The following DGKB variants were observed in gnomAD, a reference collection of about 807,000 sequenced individuals.
The protein encoded by DGKB is diacylglycerol kinase beta, also known as 90 kDa diacylglycerol kinase.
Under a neutral mutation model 114.3 loss-of-function variants are expected in DGKB, and 67 were observed. The ratio of observed to expected loss-of-function variants is 0.59; its 90% CI spans 0.48 to 0.72. DGKB has a LOEUF of 0.72. Ranked by LOEUF, DGKB falls within the 30% of genes least tolerant of loss-of-function variation. The pLI is 0.00. For missense variants in DGKB, 907 were observed against 975.2 expected (o/e 0.93, Z 0.93); for synonymous variants, 398 against 323.1 (o/e 1.23, Z -2.49).
intron 10 of DGKB, among the ~76,000 whole-genome samples, chr7:14,684,505 T>C (rs187811262): frequency 1.3e-4 from 20 of 152,254 alleles, no homozygotes; most frequent in Admixed American, 7.8e-4. Context: ...GATTGTAAAA[T>C]TTTCTCAGGT....
chr7:14,722,121 C>A (rs768637280), intron 5 of DGKB, among the ~76,000 whole-genome samples: 1 of 152,164 alleles, frequency 6.6e-6, no homozygotes, highest in Non-Finnish European at 1.5e-5. Context: ...TCATTACTAT[C>A]CAATCTCTAT....
chr7:14,766,008 T>C (rs2128462213), intron 2 of DGKB, among the ~76,000 whole-genome samples: 1 of 152,092 alleles, frequency 6.6e-6, no homozygotes, highest in Admixed American at 6.6e-5. Context: ...CATTCAGCTC[T>C]GATAAGCAAT....
intron 23 of DGKB, among the ~76,000 whole-genome samples, chr7:14,282,689 G>T (rs1179634226): frequency 6.6e-6 from 1 of 151,306 alleles, no homozygotes; most frequent in South Asian, 2.1e-4. Flanking sequence ...TCATCCCTGG[G>T]ATGCAAGGCA....
At position 14,773,644 on chromosome 7, in the gene DGKB, AT is replaced by A. The variant is rs556872852; in HGVS notation, c.71-15914del. ...AATAAGGGGTTCTATCTTCACATATATAGTAATATAATCAACAATGAGGGGC... is the reference window on the plus strand; with the variant it reads ...AATAAGGGGTTCTATCTTCACATATAAGTAATATAATCAACAATGAGGGGC... On this transcript the variant is annotated intron_variant, in intron 2 of 25. Coordinates refer to ENST00000402815, the MANE Select transcript of DGKB (RefSeq NM_001350709.2). 2.2e-3 allele frequency among the ~76,000 whole-genome samples: 339 copies of A among 152,222 alleles called. 2 individuals are homozygous for A. The highest frequency in any genetic ancestry group is 0.02 in the Middle Eastern group (6 of 294).
intron 1 of DGKB, among the ~76,000 whole-genome samples, chr7:14,894,239 T>C (rs1431409148): frequency 6.6e-6 from 1 of 151,440 alleles, no homozygotes; most frequent in African/African-American, 2.4e-5. Context: ...GAAGATGTCT[T>C]TCTCTTTTCC....
chr7:14,831,572 C>A (rs924399900), intron 2 of DGKB, among the ~76,000 whole-genome samples: 19 of 152,116 alleles, frequency 1.2e-4, no homozygotes, highest in African/African-American at 4.3e-4. Context: ...TGGCCCTTTT[C>A]ATGTTTCCCA....
intron 23 of DGKB, among the ~76,000 whole-genome samples, chr7:14,279,992 G>T (rs531434397): frequency 3.7e-4 from 56 of 152,120 alleles, no homozygotes; most frequent in Non-Finnish European, 3.8e-4. Context: ...CACCAGTAAC[G>T]GAACAAAGCT....
intron 1 of DGKB, among the ~76,000 whole-genome samples, chr7:14,934,573 A>G (rs1785183564): frequency 1.3e-5 from 2 of 152,206 alleles, no homozygotes; most frequent in African/African-American, 2.4e-5. Context: ...GCAACAAGAA[A>G]TCATCAGATA....
chr7:14,792,576 A>G (rs1840819474), intron 2 of DGKB, among the ~76,000 whole-genome samples: 1 of 152,164 alleles, frequency 6.6e-6, no homozygotes, highest in Admixed American at 6.5e-5. Context: ...ATATCTTCAT[A>G]CCTACAGTAA....
At chr7:14,306,182 A>G (rs926959504) in intron 23 of DGKB, among the ~76,000 whole-genome samples, 3 of 152,164 alleles carry the variant, frequency 2.0e-5, no homozygotes, top group Non-Finnish European at 2.9e-5. Flanking sequence ...AGTGATATTA[A>G]ATATATACAC....
intron 1 of DGKB, among the ~76,000 whole-genome samples, chr7:14,970,897 C>G (rs1373516366): frequency 6.6e-6 from 1 of 152,116 alleles, no homozygotes; most frequent in Non-Finnish European, 1.5e-5. Flanking sequence ...ACTAGGATGG[C>G]ACAGATACCA....
At chr7:14,448,169 A>G (rs1321378832) in intron 21 of DGKB, among the ~76,000 whole-genome samples, 1 of 152,076 alleles carries the variant, frequency 6.6e-6, no homozygotes, top group Non-Finnish European at 1.5e-5. Context: ...TGAATTACAA[A>G]AATAATAGAA....
chr7:14,266,716 C>T (rs761386194), intron 23 of DGKB, among the ~76,000 whole-genome samples: 14 of 152,144 alleles, frequency 9.2e-5, no homozygotes, highest in Non-Finnish European at 1.5e-4. Flanking sequence ...ATTTATGTCT[C>T]TTTAACCCTT....
chr7:14,757,850 A>C (rs1262132065), intron 2 of DGKB, 119 bp from the exon 3 acceptor site: 1 of 530,596 alleles, frequency 1.9e-6, no homozygotes, highest in Admixed American at 3.8e-5. Context: ...TAAATTTAAA[A>C]ACCAACACAT....
At chr7:14,911,522 C>T (rs896582886) in intron 1 of DGKB, among the ~76,000 whole-genome samples, 16 of 152,126 alleles carry the variant, frequency 1.1e-4, no homozygotes, top group Non-Finnish European at 1.9e-4. Context: ...AGCTCAATGT[C>T]TGGTGCTTTG....
rs1199891187 is a variant in DGKB, at chr7:14,694,114, C to T, written c.672G>A (p.Met224Ile). ...GGAGCACAAGAAGTGGAATCGTTGT[C>T]ATTCCTCCTTGAATCCATTCCTCCA... ...VSLEEWIQGG[M>I]TTIPLLVLLG... The change falls in exon 9 of 26, where the codon ATG becomes ATA. Residue 224 changes from methionine to isoleucine, a missense_variant. Met to Ile is a conservative substitution (Grantham distance 10). Coordinates refer to ENST00000402815, the MANE Select transcript of DGKB (RefSeq NM_001350709.2). The T allele has an allele frequency of 5.0e-6, 8 of 1,593,116 alleles. No individual in the cohort carries two copies. Among genetic ancestry groups the T allele is most frequent in the Non-Finnish European group, 6.8e-6 (8 of 1,168,412 alleles).
intron 1 of DGKB, among the ~76,000 whole-genome samples, chr7:14,960,656 G>A (rs1042661084): frequency 2.6e-5 from 4 of 152,000 alleles, no homozygotes. Flanking sequence ...CAGTCAAACA[G>A]TGAAACTGAC....
At chr7:14,414,220 GA>G (rs2128749925) in intron 21 of DGKB, among the ~76,000 whole-genome samples, 1 of 152,220 alleles carries the variant, frequency 6.6e-6, no homozygotes, top group South Asian at 2.1e-4. Context: ...GAGAGACTGG[GA>G]TAGAACAAGT....
chr7:14,796,887 T>A (rs574613572), intron 2 of DGKB, among the ~76,000 whole-genome samples: 21 of 152,254 alleles, frequency 1.4e-4, no homozygotes, highest in Admixed American at 1.3e-3. Flanking sequence ...CCTTATAGTC[T>A]TGATTTGGCT....
Sources: gnomAD v4.1 joint callset for allele counts (sites outside exome capture counted in the v4.1 genomes callset) on GRCh38, gnomAD v4.1.1 for gene constraint, MANE v1.5 for transcripts, NCBI Gene and HGNC (gene_info 2026-07-23, HGNC 2026-07-21) for gene names.